The following EBF1 variants were observed in gnomAD, a reference collection of about 807,000 sequenced individuals.
The protein encoded by EBF1 is EBF transcription factor 1, also known as transcription factor COE1.
EBF1 carries 10 observed loss-of-function variants against 68.4 expected under a neutral mutation model. The observed-to-expected ratio is 0.15, with a 90% CI of 0.09 to 0.25. The LOEUF is 0.25. Among genes scored for constraint, EBF1 ranks in the 10% least tolerant of loss-of-function variants. EBF1 has a pLI of 1.00. For missense variants in EBF1, 509 were observed against 794.4 expected, an observed-to-expected ratio of 0.64 and a Z score of 4.32; for synonymous variants, 298 against 299.8, an observed-to-expected ratio of 0.99 and a Z score of 0.06.
In EBF1 at chr5:158,823,345, A is replaced by G. The variant is rs769857256; in HGVS notation, c.637-28T>C. Reference sequence around the variant, plus strand: ...GGAGACATAAGAAAGAAATGAATGAACATTTTAATATAAAAGCGTGGTGGG... The same window carrying G: ...GGAGACATAAGAAAGAAATGAATGAGCATTTTAATATAAAAGCGTGGTGGG... On this transcript the variant is annotated intron_variant, in intron 7 of 15. Transcript: ENST00000313708. 3.2e-6 allele frequency: 5 copies of G among 1,586,382 alleles called. No individual in the cohort carries two copies. The South Asian group carries it at 5.7e-5, about 18-fold the overall frequency.
rs1335443092 is a variant in EBF1 at position 158,832,425 on chromosome 5, C to A, written c.636+7604G>T. ...ATGTTATGTGACTTAATCCTGTATTCTGAAACTATCATTAGAGCTGCTTTC... is the reference window on the plus strand; with the variant it reads ...ATGTTATGTGACTTAATCCTGTATTATGAAACTATCATTAGAGCTGCTTTC... On this transcript the variant is annotated intron_variant, in intron 7 of 15. Transcript: ENST00000313708. Among the ~76,000 whole-genome samples the A allele has an allele frequency of 2.0e-5, 3 of 152,204 alleles. No individual in the cohort carries two copies. In the East Asian group the frequency reaches 5.8e-4, roughly 29 times the overall value.
chr5:158,910,627 G>A (rs1299779223), intron 6 of EBF1, among the ~76,000 whole-genome samples: 2 of 152,150 alleles, frequency 1.3e-5, no homozygotes, highest in African/African-American at 4.8e-5. Context: ...ATTAATTGAT[G>A]TATGCCCTCA....
chr5:158,937,639 G>A (rs976977226), intron 6 of EBF1, among the ~76,000 whole-genome samples: 1 of 152,212 alleles, frequency 6.6e-6, no homozygotes, highest in African/African-American at 2.4e-5. Context: ...ACCTTCTTAA[G>A]AGCGGGCTCT....
At chr5:158,816,274 G>T (rs745396931) in intron 8 of EBF1, among the ~76,000 whole-genome samples, 8 of 152,274 alleles carry the variant, frequency 5.3e-5, no homozygotes, top group Admixed American at 2.0e-4. Context: ...ATCCCAGAAA[G>T]ACTGGAGGCA....
At chr5:158,780,389 G>T (rs1275743882) in intron 9 of EBF1, among the ~76,000 whole-genome samples, 1 of 152,130 alleles carries the variant, frequency 6.6e-6, no homozygotes, top group African/African-American at 2.4e-5. Context: ...GCAACAGAAG[G>T]AGGGAGGGCT....
chr5:158,936,284 T>C (rs960104035), intron 6 of EBF1, among the ~76,000 whole-genome samples: 2 of 152,146 alleles, frequency 1.3e-5, no homozygotes, highest in African/African-American at 4.8e-5. Context: ...CCCACATATA[T>C]ATAGCAGAGA....
At chr5:159,096,938 C>A in intron 2 of EBF1, 36 bp downstream of exon 2, 1 of 1,607,924 alleles carries the variant, frequency 6.2e-7, no homozygotes, top group Non-Finnish European at 8.5e-7. Flanking sequence ...CCGAGCCGAG[C>A]CGGGGACGAG....
chr5:158,986,870 C>T (rs577392731), intron 6 of EBF1: 14 of 152,300 alleles, frequency 9.2e-5, no homozygotes, highest in African/African-American at 2.4e-4. Flanking sequence ...TGTGCACTTC[C>T]GCTAAAGACA....
intron 9 of EBF1, among the ~76,000 whole-genome samples, chr5:158,792,375 AC>A (rs1447461053): frequency 6.6e-6 from 1 of 152,090 alleles, no homozygotes; most frequent in Non-Finnish European, 1.5e-5. Flanking sequence ...TCTTCTTCCC[AC>A]CCCTCAGGGG....
rs559084517 is a variant in EBF1, at chr5:158,834,863, GC to G, written c.636+5165del. ...AGCATACAAAGTGAGATGGAGGAAA[GC>G]AGCGGCAGTGACCACTGCACAGACC... On this transcript the variant is annotated intron_variant, in intron 7 of 15. Coordinates refer to ENST00000313708, the MANE Select transcript of EBF1 (RefSeq NM_024007.5). 1.3e-4 allele frequency among the ~76,000 whole-genome samples: 20 copies of G among 152,370 alleles called. No individual in the cohort carries two copies. The South Asian group carries it at 3.9e-3, about 30-fold the overall frequency.
At chr5:158,817,696 C>G (rs1784038782) in intron 8 of EBF1, among the ~76,000 whole-genome samples, 1 of 152,156 alleles carries the variant, frequency 6.6e-6, no homozygotes, top group African/African-American at 2.4e-5. Context: ...ACAAGGCTTC[C>G]CTGACACTTC....
chr5:158,724,910 A>C (rs1422865600), intron 11 of EBF1, among the ~76,000 whole-genome samples: 1 of 152,226 alleles, frequency 6.6e-6, no homozygotes, highest in East Asian at 1.9e-4. Flanking sequence ...TGATGAACTG[A>C]GACTATAAAC....
At position 158,944,028 on chromosome 5, in the gene EBF1, T is replaced by C. The variant is rs913138704; in HGVS notation, c.555-103918A>G. On this transcript the variant is annotated intron_variant, in intron 6 of 15. Coordinates refer to ENST00000313708, the MANE Select transcript of EBF1 (RefSeq NM_024007.5). The stretch of plus-strand genomic sequence containing the variant: ...AGCAGCCACAAGCAATTGATTTGTG[T>C]AAGCAGGAGAGACAAAACTTATTTG... Among the ~76,000 whole-genome samples the C allele has an allele frequency of 3.9e-5, 6 of 152,218 alleles. No homozygotes were observed. The East Asian group carries it at 1.2e-3, about 29-fold the overall frequency.
intron 8 of EBF1, among the ~76,000 whole-genome samples, chr5:158,815,911 C>A (rs1190586885): frequency 6.6e-6 from 1 of 152,208 alleles, no homozygotes; most frequent in Non-Finnish European, 1.5e-5. Flanking sequence ...TGATTTGATA[C>A]CTGAAAATCT....
chr5:158,700,525 AAAG>A, intron 15 of EBF1, among the ~76,000 whole-genome samples: 1 of 152,084 alleles, frequency 6.6e-6, no homozygotes, highest in Admixed American at 6.5e-5. Flanking sequence ...AAAAAAAAAA[AAAG>A]CGAACCCCAG....
intron 8 of EBF1, among the ~76,000 whole-genome samples, chr5:158,818,933 CA>C (rs397731511): frequency 0.043 from 5,617 of 129,978 alleles, 297 homozygotes; most frequent in African/African-American, 0.14. Context: ...AAAACAATAA[CA>C]AAAAAAAAAA....
chr5:158,831,938 G>A (rs1213313685), intron 7 of EBF1, among the ~76,000 whole-genome samples: 1 of 152,210 alleles, frequency 6.6e-6, no homozygotes, highest in Non-Finnish European at 1.5e-5. Context: ...GAAGGCCAAT[G>A]TGCTTGACAG....
intron 10 of EBF1, among the ~76,000 whole-genome samples, chr5:158,745,688 C>T (rs902851723): frequency 6.6e-6 from 1 of 152,096 alleles, no homozygotes; most frequent in Non-Finnish European, 1.5e-5. Flanking sequence ...AAAGAAATTG[C>T]CATGTGGATA....
intron 6 of EBF1, among the ~76,000 whole-genome samples, chr5:158,850,517 TC>T (rs1464836751): frequency 1.3e-5 from 2 of 152,184 alleles, no homozygotes; most frequent in Non-Finnish European, 2.9e-5. Flanking sequence ...ACGTACTCTT[TC>T]CTGTGGGATG....
Sources: gnomAD v4.1 joint callset for allele counts (sites outside exome capture counted in the v4.1 genomes callset) on GRCh38, gnomAD v4.1.1 for gene constraint, MANE v1.5 for transcripts, NCBI Gene and HGNC (gene_info 2026-07-23, HGNC 2026-07-21) for gene names.